The following IMMP2L variants were observed in gnomAD, a reference collection of about 807,000 sequenced individuals.
IMMP2L encodes inner mitochondrial membrane peptidase subunit 2.
In IMMP2L, 18 loss-of-function variants were observed where a neutral mutation model predicts 19.3. The observed-to-expected ratio is 0.93, with a 90% CI of 0.64 to 1.38. The LOEUF (loss-of-function observed/expected upper bound fraction) is 1.38. Ranked by LOEUF, IMMP2L falls within the 40% of genes most tolerant of loss-of-function variation. IMMP2L has a pLI of 0.00. For missense variants in IMMP2L, 233 were observed against 218.2 expected (o/e 1.07, Z -0.43); for synonymous variants, 76 against 73.0 (o/e 1.04, Z -0.21).
At chr7:111,063,925 T>C (rs112049290) in intron 3 of IMMP2L, among the ~76,000 whole-genome samples, 1 of 152,320 alleles carries the variant, frequency 6.6e-6, no homozygotes, top group Non-Finnish European at 1.5e-5. Flanking sequence ...TCTGTCTTCT[T>C]CTGAACCCTC....
chr7:111,034,494 G>A (rs1791140959), intron 3 of IMMP2L, among the ~76,000 whole-genome samples: 1 of 151,952 alleles, frequency 6.6e-6, no homozygotes, highest in South Asian at 2.1e-4. Flanking sequence ...CCAATCATAA[G>A]GTATATTTCA....
At chr7:111,054,660 T>C (rs137944769) in intron 3 of IMMP2L, among the ~76,000 whole-genome samples, 1 of 152,170 alleles carries the variant, frequency 6.6e-6, no homozygotes, top group Non-Finnish European at 1.5e-5. Context: ...TTCTTCAGTA[T>C]GGAAAATATG....
intron 3 of IMMP2L, among the ~76,000 whole-genome samples, chr7:111,352,641 C>T (rs1208728900): frequency 6.6e-6 from 1 of 152,040 alleles, no homozygotes; most frequent in Non-Finnish European, 1.5e-5. Context: ...TCTGCATATG[C>T]TCATCTTAAG....
chr7:111,458,007 A>G (rs1056740155), intron 3 of IMMP2L, among the ~76,000 whole-genome samples: 1 of 151,758 alleles, frequency 6.6e-6, no homozygotes, highest in Non-Finnish European at 1.5e-5. Flanking sequence ...TCTATTAAAA[A>G]TGTAAATAAT....
At chr7:111,281,023 T>C (rs1034899391) in intron 3 of IMMP2L, among the ~76,000 whole-genome samples, 19 of 148,772 alleles carry the variant, frequency 1.3e-4, no homozygotes, top group African/African-American at 4.2e-4. Flanking sequence ...TGAGTGGAGA[T>C]CACGCCACTG....
rs115010094 is a variant in IMMP2L, at chr7:110,838,619, C to T, written c.408+47974G>A. On this transcript the variant is annotated intron_variant, in intron 5 of 5. Coordinates refer to ENST00000405709, the MANE Select transcript of IMMP2L (RefSeq NM_032549.4). ...ATGAGGACGTGAGCATGCTCAGCCC[C>T]CAAGCCATATGATCAGCAAGAAGGC... is the stretch of plus-strand genomic sequence containing the variant. Among the ~76,000 whole-genome samples the T allele has an allele frequency of 5.4e-3, 816 of 151,936 alleles. 7 individuals carry two copies. The highest frequency in any genetic ancestry group is 0.019 in the African/African-American group (779 of 41,318).
At chr7:111,549,827 G>A (rs1233566790) in intron 1 of IMMP2L, among the ~76,000 whole-genome samples, 2 of 151,754 alleles carry the variant, frequency 1.3e-5, no homozygotes, top group Non-Finnish European at 2.9e-5. Context: ...TGTAATCCCA[G>A]CTACTTGGGA....
chr7:111,290,504 TA>T (rs111672588), intron 3 of IMMP2L, among the ~76,000 whole-genome samples: 1,923 of 147,140 alleles, frequency 0.013, 32 homozygotes, highest in Admixed American at 0.044. Context: ...GACTTCTTTT[TA>T]AAAAAAAAAA....
rs2079760125 is a variant in IMMP2L at position 111,256,810 on chromosome 7, A to G, written c.239+230428T>C. 1.3e-5 allele frequency among the ~76,000 whole-genome samples: 2 copies of G among 152,066 alleles called. 1 individual carries two copies. Among genetic ancestry groups the G allele is most frequent in the South Asian group, 4.1e-4 (2 of 4,832 alleles). On this transcript the variant is annotated intron_variant, in intron 3 of 5. Transcript: ENST00000405709. ...TACTGTGAATTCACACCCTCTGAGA[A>G]AAAACATTTTCACAATACCTGAATT... is the stretch of plus-strand genomic sequence containing the variant.
chr7:110,926,374 G>C (rs1357245222), intron 4 of IMMP2L, among the ~76,000 whole-genome samples: 1 of 151,984 alleles, frequency 6.6e-6, no homozygotes, highest in Non-Finnish European at 1.5e-5. Context: ...TTAACCAAGA[G>C]AAATGGTTTC....
chr7:111,138,550 T>C (rs545580791), intron 3 of IMMP2L, among the ~76,000 whole-genome samples: 18 of 152,358 alleles, frequency 1.2e-4, no homozygotes, highest in African/African-American at 4.1e-4. Flanking sequence ...TATTTTACAT[T>C]GTACTAGGCA....
At chr7:111,453,544 G>T (rs117742795) in intron 3 of IMMP2L, among the ~76,000 whole-genome samples, 3,322 of 152,240 alleles carry the variant, frequency 0.022, 65 homozygotes, top group Middle Eastern at 0.051. Flanking sequence ...TTGGAGCATT[G>T]TTTGATATCG....
At chr7:110,719,897 A>T (rs540397047) in intron 5 of IMMP2L, among the ~76,000 whole-genome samples, 1 of 152,314 alleles carries the variant, frequency 6.6e-6, no homozygotes, top group African/African-American at 2.4e-5. Flanking sequence ...CTGTACTTCT[A>T]GCCAAAATAT....
chr7:111,514,328 T>C (rs1845698825), intron 2 of IMMP2L, among the ~76,000 whole-genome samples: 2 of 151,948 alleles, frequency 1.3e-5, no homozygotes. Flanking sequence ...ATGAGAACAC[T>C]TGGACACAGA....
At chr7:110,861,598 T>A (rs568868341) in intron 5 of IMMP2L, among the ~76,000 whole-genome samples, 1 of 152,074 alleles carries the variant, frequency 6.6e-6, no homozygotes, top group African/African-American at 2.4e-5. Flanking sequence ...AAAGGTTTAA[T>A]ACACCAAAAC....
chr7:111,227,291 T>TAAGTATTTTATGA (rs1813208792), intron 3 of IMMP2L, among the ~76,000 whole-genome samples: 1 of 152,120 alleles, frequency 6.6e-6, no homozygotes. Context: ...TATCTCCTTC[T>TAAGTATTTTATGA]CCATTTTCTA....
chr7:110,849,104 T>C (rs958883972), intron 5 of IMMP2L, among the ~76,000 whole-genome samples: 3 of 152,158 alleles, frequency 2.0e-5, no homozygotes, highest in African/African-American at 7.2e-5. Context: ...ATGCTCATCA[T>C]TGTAACAAAT....
At chr7:111,426,396 T>C (rs978949185) in intron 3 of IMMP2L, among the ~76,000 whole-genome samples, 3 of 150,604 alleles carry the variant, frequency 2.0e-5, no homozygotes, top group Admixed American at 6.6e-5. Flanking sequence ...CATTTGATGG[T>C]ATTACCACTG....
intron 5 of IMMP2L, among the ~76,000 whole-genome samples, chr7:110,824,495 T>C (rs1803291295): frequency 6.6e-6 from 1 of 152,130 alleles, no homozygotes; most frequent in South Asian, 2.1e-4. Flanking sequence ...GCCTCCTGAC[T>C]AGCTGGACCA....
Sources: gnomAD v4.1 joint callset for allele counts (sites outside exome capture counted in the v4.1 genomes callset) on GRCh38, gnomAD v4.1.1 for gene constraint, MANE v1.5 for transcripts, NCBI Gene and HGNC (gene_info 2026-07-23, HGNC 2026-07-21) for gene names.